STK31: variants seen among roughly 807,000 people sequenced by gnomAD.
STK31 encodes serine/threonine kinase 31.
STK31 carries 89 observed loss-of-function variants against 129.7 expected under a neutral mutation model. The ratio of observed to expected loss-of-function variants is 0.69; its 90% CI spans 0.58 to 0.82. The LOEUF (loss-of-function observed/expected upper bound fraction) is 0.82, where lower values mean the gene tolerates loss of function less well. Among genes scored for constraint, STK31 ranks in the 40% least tolerant of loss-of-function variants. STK31 has a pLI of 0.00. For missense variants in STK31, 1,187 were observed against 1,176.4 expected (o/e 1.01, Z -0.13); for synonymous variants, 448 against 395.3 (o/e 1.13, Z -1.58).
intron 21 of STK31, among the ~76,000 whole-genome samples, chr7:23,788,494 C>T (rs12375123): frequency 1.5e-4 from 23 of 152,164 alleles, no homozygotes; most frequent in Non-Finnish European, 3.2e-4. Context: ...TTTACATATA[C>T]GTACTTTGCT....
At chr7:23,715,073 ATG>A (rs1250728908) in intron 3 of STK31, among the ~76,000 whole-genome samples, 1 of 152,226 alleles carries the variant, frequency 6.6e-6, no homozygotes. Flanking sequence ...ATATAAATGA[ATG>A]TAGTGGTTAT....
intron 22 of STK31, among the ~76,000 whole-genome samples, chr7:23,805,538 G>A (rs1312389149): frequency 6.6e-6 from 1 of 152,058 alleles, no homozygotes; most frequent in Non-Finnish European, 1.5e-5. Context: ...GGGCTGGAGT[G>A]CAGTGGCACT....
At chr7:23,770,899 G>T (rs1790143304) in intron 13 of STK31, 106 bp from the exon 14 acceptor site, 2 of 1,189,518 alleles carry the variant, frequency 1.7e-6, no homozygotes, top group African/African-American at 3.2e-5. Context: ...AATCACTGCG[G>T]AAATCTGTTA....
intron 15 of STK31, among the ~76,000 whole-genome samples, chr7:23,776,007 G>T (rs1038899268): frequency 8.9e-5 from 13 of 146,518 alleles, no homozygotes; most frequent in Non-Finnish European, 1.8e-4. Context: ...CATTCCATCA[G>T]TACCTAGTTA....
At chr7:23,714,892 A>G (rs1320886251) in intron 3 of STK31, among the ~76,000 whole-genome samples, 1 of 152,200 alleles carries the variant, frequency 6.6e-6, no homozygotes, top group Non-Finnish European at 1.5e-5. Context: ...AGCCATAGAC[A>G]TAATGTGAAT....
intron 8 of STK31, among the ~76,000 whole-genome samples, chr7:23,747,918 T>C (rs901682271): frequency 6.6e-6 from 1 of 152,210 alleles, no homozygotes; most frequent in Non-Finnish European, 1.5e-5. Context: ...GTATCAACTT[T>C]TGGTTTTGCT....
chr7:23,798,617 A>G (rs1202487251), intron 22 of STK31, among the ~76,000 whole-genome samples: 1 of 152,226 alleles, frequency 6.6e-6, no homozygotes, highest in Non-Finnish European at 1.5e-5. Flanking sequence ...AATAAAAGGT[A>G]TTCATGACAC....
intron 5 of STK31, chr7:23,727,542 T>A: frequency 2.4e-6 from 1 of 418,554 alleles, no homozygotes; most frequent in East Asian, 4.6e-5. Flanking sequence ...TGACTAGTTA[T>A]TTTTACCTCA....
chr7:23,785,801 A>C (rs1256168274), intron 18 of STK31, among the ~76,000 whole-genome samples, 198 bp downstream of exon 18: 1 of 147,252 alleles, frequency 6.8e-6, no homozygotes. Context: ...CAATGAGAAC[A>C]CTTGGACACA....
At chr7:23,710,111 G>A (rs1785826831), upstream of STK31, 2 of 1,106,358 alleles carry the variant, frequency 1.8e-6, no homozygotes, top group Admixed American at 2.4e-5. Flanking sequence ...AGCGTCAGGC[G>A]GCTCCCGCAC....
chr7:23,755,036 A>G (rs551459990), intron 10 of STK31: 2 of 152,138 alleles, frequency 1.3e-5, no homozygotes, highest in African/African-American at 2.4e-5. Flanking sequence ...TGCTGGGTCA[A>G]ATGGTATTTC....
At chr7:23,825,081 C>G (rs369211076) in intron 23 of STK31, among the ~76,000 whole-genome samples, 1 of 151,622 alleles carries the variant, frequency 6.6e-6, no homozygotes, top group South Asian at 2.1e-4. Flanking sequence ...TGTCTCTGCC[C>G]GGCTTTGGTA....
chr7:23,714,695 A>T (rs1045585812), intron 3 of STK31, among the ~76,000 whole-genome samples: 6 of 152,204 alleles, frequency 3.9e-5, no homozygotes, highest in African/African-American at 1.4e-4. Context: ...TGGCTATTGT[A>T]TTCACTAGTG....
intron 23 of STK31, among the ~76,000 whole-genome samples, chr7:23,826,567 G>A (rs1458971057): frequency 6.6e-6 from 1 of 152,172 alleles, no homozygotes; most frequent in Non-Finnish European, 1.5e-5. Context: ...GCCAGTCTGT[G>A]CCTTTTAATT....
chr7:23,731,569 A>C (rs1031522992), intron 6 of STK31, among the ~76,000 whole-genome samples: 1 of 152,224 alleles, frequency 6.6e-6, no homozygotes, highest in Admixed American at 6.5e-5. Flanking sequence ...GCAGGGATTC[A>C]GTAACAACAC....
rs565738804 is a variant in STK31, at chr7:23,781,534, T to C, written c.2067+14T>C. 6.3e-6 allele frequency: 10 copies of C among 1,577,074 alleles called. No individual in the cohort carries two copies. In the African/African-American group the frequency reaches 8.2e-5, roughly 13 times the overall value. On this transcript the variant is annotated intron_variant, in intron 16 of 23. Coordinates refer to ENST00000355870, the MANE Select transcript of STK31 (RefSeq NM_031414.5). ...AGAGAGGAATATGTAAGTATTTGGTTCTTTGAAGTTTTACATTAGGTTTTA... is the reference window on the plus strand; with the variant it reads ...AGAGAGGAATATGTAAGTATTTGGTCCTTTGAAGTTTTACATTAGGTTTTA...
chr7:23,807,817 C>CT (rs1462996773), intron 22 of STK31, among the ~76,000 whole-genome samples: 1 of 151,738 alleles, frequency 6.6e-6, no homozygotes, highest in Non-Finnish European at 1.5e-5. Flanking sequence ...CATATTTATT[C>CT]TATCATTCAG....
At chr7:23,761,970 T>G (rs1266026989) in intron 10 of STK31, among the ~76,000 whole-genome samples, 1 of 151,424 alleles carries the variant, frequency 6.6e-6, no homozygotes, top group Non-Finnish European at 1.5e-5. Flanking sequence ...ATAGTTTTAT[T>G]TATAGTTTTA....
intron 15 of STK31, among the ~76,000 whole-genome samples, chr7:23,773,777 GT>G (rs545854268): frequency 1.9e-3 from 273 of 146,228 alleles, no homozygotes; most frequent in African/African-American, 5.4e-3. Flanking sequence ...TGCCTATGTT[GT>G]TTTTTTTTTC....
Sources: gnomAD v4.1 joint callset for allele counts (sites outside exome capture counted in the v4.1 genomes callset) on GRCh38, gnomAD v4.1.1 for gene constraint, MANE v1.5 for transcripts, NCBI Gene and HGNC (gene_info 2026-07-23, HGNC 2026-07-21) for gene names.